The following CENPQ variants were observed in gnomAD, a reference collection of about 807,000 sequenced individuals.
CENPQ encodes the protein centromere protein Q.
A neutral mutation model predicts 36.6 loss-of-function variants in CENPQ; 27 were observed. The ratio of observed to expected loss-of-function variants is 0.74; its 90% confidence interval spans 0.54 to 1.02. The LOEUF (loss-of-function observed/expected upper bound fraction) is 1.02. CENPQ is among the 50% of genes least tolerant of loss of function. CENPQ has a pLI of 0.00. For synonymous variants in CENPQ, 101 were observed against 101.7 expected (o/e 0.99, Z 0.04); for missense variants, 306 against 301.8 (o/e 1.01, Z -0.10).
intron 1 of CENPQ, among the ~76,000 whole-genome samples, chr6:49,469,569 C>T (rs979810491): frequency 3.3e-5 from 5 of 152,126 alleles, no homozygotes; most frequent in Non-Finnish European, 7.4e-5. Flanking sequence ...GCAGGGTATT[C>T]AGTACATTTC....
At chr6:49,487,888 C>CT (rs1293116994) in intron 6 of CENPQ, among the ~76,000 whole-genome samples, 1 of 152,048 alleles carries the variant, frequency 6.6e-6, no homozygotes, top group Non-Finnish European at 1.5e-5. Context: ...TCTCCCTGCT[C>CT]TAATGCCCAA....
At chr6:49,485,339 C>G (rs1768550151) in intron 6 of CENPQ, among the ~76,000 whole-genome samples, 1 of 152,172 alleles carries the variant, frequency 6.6e-6, no homozygotes, top group African/African-American at 2.4e-5. Flanking sequence ...TGAACACCAT[C>G]TCGGAGATTC....
In CENPQ at chr6:49,492,535, G is replaced by T; in HGVS notation, c.*260G>T. 3.4e-6 allele frequency: 1 copy of T among 295,876 alleles called. No homozygotes were observed. Among genetic ancestry groups the T allele is most frequent in the Non-Finnish European group, 6.1e-6 (1 of 163,302 alleles). 18.3% of individuals were successfully genotyped at this position (295,876 alleles called of 1,614,324 possible). ...AGTATTTGCCTAAAACCATAAAATA[G>T]GAATTGCCTTAAGGATCTAGTAGTT... On this transcript the variant is annotated 3_prime_UTR_variant, in exon 9 of 9. Coordinates refer to ENST00000335783, the MANE Select transcript of CENPQ (RefSeq NM_018132.4).
chr6:49,465,001 C>CAG (rs1474347000), intron 1 of CENPQ, among the ~76,000 whole-genome samples: 1 of 152,226 alleles, frequency 6.6e-6, no homozygotes, highest in Non-Finnish European at 1.5e-5. Flanking sequence ...CCAGATCCAT[C>CAG]AGAGGAATCA....
intron 3 of CENPQ, 39 bp from the exon 4 acceptor site, chr6:49,472,024 A>T (rs547962710): frequency 1.9e-6 from 3 of 1,566,420 alleles, no homozygotes; most frequent in African/African-American, 1.4e-5. Context: ...CATGTAAAAC[A>T]TCTAGATTGA....
intron 6 of CENPQ, among the ~76,000 whole-genome samples, chr6:49,486,058 A>G (rs1049212726): frequency 1.3e-5 from 2 of 152,106 alleles, no homozygotes; most frequent in African/African-American, 4.8e-5. Flanking sequence ...TCCAATGACA[A>G]GTGTTCTTAT....
intron 5 of CENPQ, among the ~76,000 whole-genome samples, chr6:49,476,347 T>C (rs971237225): frequency 6.6e-6 from 1 of 152,170 alleles, no homozygotes; most frequent in Non-Finnish European, 1.5e-5. Context: ...TAATAAATGG[T>C]GCTGGGAAAA....
At chr6:49,470,034 C>CT in intron 1 of CENPQ, 125 bp from the exon 2 acceptor site, 1 of 503,350 alleles carries the variant, frequency 2.0e-6, no homozygotes. Context: ...TATGATTTTT[C>CT]TTTAAAAAAA....
intron 1 of CENPQ, among the ~76,000 whole-genome samples, chr6:49,465,582 C>T (rs1305774297): frequency 6.6e-6 from 1 of 152,256 alleles, no homozygotes; most frequent in African/African-American, 2.4e-5. Flanking sequence ...GGATAACTTG[C>T]TGCAGCTTCT....
intron 5 of CENPQ, among the ~76,000 whole-genome samples, chr6:49,480,146 G>A (rs1409150433): frequency 3.3e-5 from 5 of 152,212 alleles, no homozygotes; most frequent in African/African-American, 1.2e-4. Flanking sequence ...CCAAAAGTGG[G>A]ATAGTGGGTT....
chr6:49,480,743 A>C (rs990739466), intron 5 of CENPQ, among the ~76,000 whole-genome samples: 4 of 152,154 alleles, frequency 2.6e-5, no homozygotes, highest in African/African-American at 7.2e-5. Flanking sequence ...AGTGTCCCTT[A>C]ATTTGAGGTA....
Position 49,487,168 on chromosome 6 carries a change from A to AAAAGATGGTCCTGAGTTG in CENPQ, c.478-1183_478-1182insAAGATGGTCCTGAGTTGA, listed in dbSNP as rs541811843. ...AACTCCATCTCAAAAAAAAAAAAAAAATAAAAAAAATAAAAACAGAGTCTG... is the reference window on the plus strand; with the variant it reads ...AACTCCATCTCAAAAAAAAAAAAAAAAAAGATGGTCCTGAGTTGATAAAAAAAATAAAAACAGAGTCTG... On this transcript the variant is annotated intron_variant, in intron 6 of 8. Coordinates refer to ENST00000335783, the MANE Select transcript of CENPQ (RefSeq NM_018132.4). Among the ~76,000 whole-genome samples, 92 of 72,348 alleles carry AAAAGATGGTCCTGAGTTG rather than the reference A, an allele frequency of 1.3e-3. 28 individuals are homozygous for AAAAGATGGTCCTGAGTTG. Among genetic ancestry groups the AAAAGATGGTCCTGAGTTG allele is most frequent in the East Asian group, 9.3e-3 (22 of 2,374 alleles). 47.5% of individuals were successfully genotyped at this position (72,348 alleles called of 152,430 possible).
At chr6:49,476,468 C>T (rs1395378736) in intron 5 of CENPQ, among the ~76,000 whole-genome samples, 1 of 152,232 alleles carries the variant, frequency 6.6e-6, no homozygotes, top group South Asian at 2.1e-4. Context: ...ACCATAAAAA[C>T]CCTAGAAGAA....
At chr6:49,482,810 T>TA (rs930048390) in intron 6 of CENPQ, among the ~76,000 whole-genome samples, 2 of 152,050 alleles carry the variant, frequency 1.3e-5, no homozygotes, top group African/African-American at 4.8e-5. Context: ...TGGTGAGTGT[T>TA]ACAGTTCTTA....
Position 49,492,175 on chromosome 6 carries a change from A to G in CENPQ, c.707A>G (p.Asn236Ser). ...KEILALIPNQ[N>S]ALLKDLDILH... is the part of the protein sequence containing the mutation. Reference sequence around the variant, plus strand: ...ATTTTGGCGCTAATTCCAAACCAGAATGCTCTTCTAAAGGACTTGGATATT... The same window carrying G: ...ATTTTGGCGCTAATTCCAAACCAGAGTGCTCTTCTAAAGGACTTGGATATT... The change falls in exon 9 of 9, where the codon AAT becomes AGT. Residue 236 changes from asparagine to serine, a missense_variant. Coordinates refer to ENST00000335783, the MANE Select transcript of CENPQ (RefSeq NM_018132.4). 1 of 1,604,718 alleles carries G rather than the reference A, an allele frequency of 6.2e-7. No homozygotes were observed. The highest frequency in any genetic ancestry group is 8.5e-7 in the Non-Finnish European group (1 of 1,177,638).
chr6:49,482,712 C>T (rs1332151140), intron 6 of CENPQ, among the ~76,000 whole-genome samples: 7 of 152,084 alleles, frequency 4.6e-5, no homozygotes, highest in Admixed American at 1.3e-4. Context: ...TGGCGATAGG[C>T]GAAGGTCCCT....
intron 5 of CENPQ, among the ~76,000 whole-genome samples, chr6:49,476,383 A>G (rs1468518796): frequency 1.3e-5 from 2 of 152,222 alleles, no homozygotes; most frequent in African/African-American, 4.8e-5. Context: ...TAGAAAGCTG[A>G]AACTGGATCC....
intron 8 of CENPQ, among the ~76,000 whole-genome samples, chr6:49,490,139 A>G (rs1768686033): frequency 6.6e-6 from 1 of 152,230 alleles, no homozygotes; most frequent in Non-Finnish European, 1.5e-5. Context: ...TAGAGATAGC[A>G]TCTTCTTCCA....
intron 6 of CENPQ, among the ~76,000 whole-genome samples, chr6:49,485,722 A>T: frequency 6.6e-6 from 1 of 152,226 alleles, no homozygotes; most frequent in East Asian, 1.9e-4. Flanking sequence ...AAAGCAAATA[A>T]ACAACAGATA....
Sources: gnomAD v4.1 joint callset for allele counts (sites outside exome capture counted in the v4.1 genomes callset) on GRCh38, gnomAD v4.1.1 for gene constraint, MANE v1.5 for transcripts, NCBI Gene and HGNC (gene_info 2026-07-23, HGNC 2026-07-21) for gene names.